Variants in PRKACB observed in about 807,000 individuals in gnomAD.
PRKACB encodes cAMP-dependent protein kinase catalytic subunit beta.
In PRKACB, 16 loss-of-function variants were observed where a neutral mutation model predicts 51.4. That is an observed-to-expected ratio of 0.31 (90% CI 0.21 to 0.47). The LOEUF is 0.47. PRKACB is among the 20% of genes least tolerant of loss of function. PRKACB has a pLI of 1.00. For synonymous variants in PRKACB, 147 were observed against 154.4 expected (o/e 0.95, Z 0.35); for missense variants, 309 against 464.5 (o/e 0.67, Z 3.08).
chr1:84,232,539 G>T (rs1675886994), intron 9 of PRKACB, among the ~76,000 whole-genome samples: 1 of 152,092 alleles, frequency 6.6e-6, no homozygotes, highest in African/African-American at 2.4e-5. Context: ...ATTAATGTGT[G>T]GGAGTCTAAG....
chr1:84,093,626 T>C (rs547580738), intron 1 of PRKACB, among the ~76,000 whole-genome samples: 4 of 152,134 alleles, frequency 2.6e-5, no homozygotes, highest in African/African-American at 9.6e-5. Flanking sequence ...TTCACATACA[T>C]AATTATATAC....
intron 8 of PRKACB, among the ~76,000 whole-genome samples, chr1:84,210,220 A>G (rs560229744): frequency 6.6e-6 from 1 of 152,202 alleles, no homozygotes; most frequent in Non-Finnish European, 1.5e-5. Flanking sequence ...ATGGTCTCTA[A>G]TGGTTGGAAA....
intron 1 of PRKACB, among the ~76,000 whole-genome samples, chr1:84,115,749 G>C (rs1017691583): frequency 4.0e-5 from 6 of 151,792 alleles, no homozygotes; most frequent in Admixed American, 3.9e-4. Flanking sequence ...GGGCGTGGTG[G>C]TGCATGCCTG....
At chr1:84,085,869 T>C in intron 1 of PRKACB, 2 of 578,816 alleles carry the variant, frequency 3.5e-6, no homozygotes, top group East Asian at 2.8e-5. Context: ...GTGGCCTGGC[T>C]GTAACACCCA....
chr1:84,183,009 A>G (rs1456952818), intron 3 of PRKACB, among the ~76,000 whole-genome samples: 1 of 152,080 alleles, frequency 6.6e-6, no homozygotes, highest in East Asian at 1.9e-4. Flanking sequence ...GCCTAGATTA[A>G]AACACAAATC....
intron 1 of PRKACB, among the ~76,000 whole-genome samples, chr1:84,096,669 TTA>T (rs1648946793): frequency 2.0e-5 from 3 of 152,112 alleles, no homozygotes; most frequent in Admixed American, 1.3e-4. Flanking sequence ...CTACCAATAT[TTA>T]TGTTATTTTA....
rs2101745630 is a variant in PRKACB at position 84,237,960 on chromosome 1, T to TA, written c.*2656dup. The TA allele has an allele frequency of 6.6e-6, 1 of 152,318 alleles. No individual in the cohort carries two copies. Among genetic ancestry groups the TA allele is most frequent in the Non-Finnish European group, 1.5e-5 (1 of 67,994 alleles). 9.4% of individuals were successfully genotyped at this position (152,318 alleles called of 1,614,324 possible). On this transcript the variant is annotated 3_prime_UTR_variant, in exon 10 of 10. Transcript: ENST00000370685. Reference sequence around the variant, plus strand: ...ACAGTCGATGACAAGATTGTCTTTTTATCTGATATTTTGAAGGGTATATTG... The same window carrying TA: ...ACAGTCGATGACAAGATTGTCTTTTTAATCTGATATTTTGAAGGGTATATTG...
intron 8 of PRKACB, chr1:84,204,580 C>G (rs1452794525): frequency 6.8e-7 from 1 of 1,466,076 alleles, no homozygotes; most frequent in Non-Finnish European, 9.1e-7. Flanking sequence ...CTCAAGAGGA[C>G]TAAAGGTCAT....
intron 1 of PRKACB, among the ~76,000 whole-genome samples, chr1:84,078,627 C>G (rs1244712350): frequency 6.6e-6 from 1 of 152,178 alleles, no homozygotes; most frequent in Non-Finnish European, 1.5e-5. Flanking sequence ...CTTTCTCACT[C>G]TAGCGAGGAG....
At chr1:84,119,840 T>C (rs957081538) in intron 1 of PRKACB, among the ~76,000 whole-genome samples, 4 of 152,072 alleles carry the variant, frequency 2.6e-5, no homozygotes, top group African/African-American at 7.2e-5. Flanking sequence ...CTGCAGCATA[T>C]AAGTGTAGAA....
At chr1:84,098,111 A>G (rs528271682) in intron 1 of PRKACB, among the ~76,000 whole-genome samples, 91 of 152,168 alleles carry the variant, frequency 6.0e-4, no homozygotes, top group Admixed American at 2.5e-3. Context: ...ACGTTTTTAT[A>G]TGCTTATTGG....
chr1:84,214,199 G>A lies in PRKACB; in HGVS notation c.953G>A (p.Arg318Gln), dbSNP rs757439493. The A allele has an allele frequency of 4.8e-5, 77 of 1,613,016 alleles. No homozygotes were observed. The highest frequency in any genetic ancestry group is 6.2e-5 in the Non-Finnish European group (73 of 1,179,584). ...AGTTCAGATCTCAAGGACCTTCTAC[G>A]GAACCTGCTGCAGGTGGATTTGACC... is the stretch of plus-strand genomic sequence containing the variant. ...HFSSDLKDLL[R>Q]NLLQVDLTKR... The change falls in exon 9 of 10, where the codon CGG (arginine) becomes CAG (glutamine). Residue 318 changes from arginine to glutamine, a missense_variant. Physicochemically the swap from Arg to Gln is conservative, Grantham distance 43 (BLOSUM62 1). This residue lies in a region of PRKACB where 96 missense variants were observed against 129.9 expected (regional missense o/e 0.74). Transcript: ENST00000370685.
At chr1:84,219,207 C>G (rs963937399) in intron 9 of PRKACB, among the ~76,000 whole-genome samples, 2 of 149,176 alleles carry the variant, frequency 1.3e-5, no homozygotes, top group Non-Finnish European at 3.0e-5. Context: ...GCCATAAAAT[C>G]TTTTTTGTTT....
intron 1 of PRKACB, among the ~76,000 whole-genome samples, chr1:84,108,740 G>GC (rs1649983842): frequency 6.6e-6 from 1 of 151,882 alleles, no homozygotes; most frequent in Admixed American, 6.6e-5. Flanking sequence ...TTAAGAACCT[G>GC]CCCTAGTAAC....
intron 1 of PRKACB, among the ~76,000 whole-genome samples, chr1:84,149,764 A>G (rs1571829761): frequency 6.6e-6 from 1 of 152,210 alleles, no homozygotes; most frequent in African/African-American, 2.4e-5. Context: ...ATATTTGTAC[A>G]TATTTAGGAT....
chr1:84,215,714 A>G (rs1255984391), intron 9 of PRKACB, among the ~76,000 whole-genome samples: 1 of 152,194 alleles, frequency 6.6e-6, no homozygotes, highest in Non-Finnish European at 1.5e-5. Context: ...ACAGTACTAT[A>G]TTAATTGATA....
chr1:84,174,606 A>C (rs1475199766), intron 1 of PRKACB, among the ~76,000 whole-genome samples: 2 of 151,958 alleles, frequency 1.3e-5, no homozygotes, highest in Non-Finnish European at 2.9e-5. Context: ...AATGACTGAA[A>C]AATACTAAAG....
intron 9 of PRKACB, among the ~76,000 whole-genome samples, chr1:84,219,926 A>T (rs1024098932): frequency 2.0e-5 from 3 of 151,946 alleles, no homozygotes; most frequent in African/African-American, 7.3e-5. Context: ...TCCTTTGGCT[A>T]TTCAGGCTCT....
intron 1 of PRKACB, among the ~76,000 whole-genome samples, chr1:84,124,830 G>A (rs1651422543): frequency 6.6e-6 from 1 of 152,128 alleles, no homozygotes; most frequent in South Asian, 2.1e-4. Context: ...CTTGGCTAGG[G>A]CGTTAGTAGA....
Sources: gnomAD v4.1 joint callset for allele counts (sites outside exome capture counted in the v4.1 genomes callset) on GRCh38, gnomAD v4.1.1 for gene constraint, gnomAD v4.1.1 regional missense constraint, MANE v1.5 for transcripts, NCBI Gene and HGNC (gene_info 2026-07-23, HGNC 2026-07-21) for gene names.